The following DTWD2 variants were observed in gnomAD, a reference collection of about 807,000 sequenced individuals.
DTWD2 encodes DTW motif tRNA-uridine aminocarboxypropyltransferase 2.
In DTWD2, 39 loss-of-function variants were observed where a neutral mutation model predicts 31.8. The ratio of observed to expected loss-of-function variants is 1.22; its 90% CI spans 0.95 to 1.60. The LOEUF (loss-of-function observed/expected upper bound fraction) is 1.60. Among genes scored for constraint, DTWD2 ranks in the 40% most tolerant of loss-of-function variants. The probability of loss-of-function intolerance (pLI) is 0.00; values close to 1 mark genes in which losing one functional copy is unlikely to be tolerated. For synonymous variants in DTWD2, 180 were observed against 142.8 expected, an observed-to-expected ratio of 1.26 and a Z score of -1.86; for missense variants, 515 against 381.5, an observed-to-expected ratio of 1.35 and a Z score of -2.92.
chr5:118,877,091 G>A (rs1243544691), intron 4 of DTWD2, among the ~76,000 whole-genome samples: 1 of 152,150 alleles, frequency 6.6e-6, no homozygotes, highest in African/African-American at 2.4e-5. Flanking sequence ...ATCAATAAAT[G>A]TGAAAACAGA....
intron 1 of DTWD2, among the ~76,000 whole-genome samples, chr5:118,965,227 G>A (rs1033161373): frequency 2.6e-5 from 4 of 151,918 alleles, no homozygotes; most frequent in East Asian, 1.9e-4. Flanking sequence ...TGGGAAGTGA[G>A]GAGCATCTCC....
At chr5:118,880,835 A>G (rs575208219) in intron 4 of DTWD2, among the ~76,000 whole-genome samples, 1 of 152,306 alleles carries the variant, frequency 6.6e-6, no homozygotes, top group South Asian at 2.1e-4. Flanking sequence ...TTTAGTTTGA[A>G]GAAGTATTTT....
intron 4 of DTWD2, among the ~76,000 whole-genome samples, chr5:118,848,929 G>A (rs1751931230): frequency 6.6e-6 from 1 of 152,172 alleles, no homozygotes; most frequent in South Asian, 2.1e-4. Flanking sequence ...AACCCTAGAA[G>A]AAAACCTAGG....
chr5:118,910,742 T>C (rs1753440808), intron 4 of DTWD2, among the ~76,000 whole-genome samples: 1 of 152,168 alleles, frequency 6.6e-6, no homozygotes, highest in Non-Finnish European at 1.5e-5. Context: ...CAAAATACCT[T>C]AGGCTGGGTA....
At chr5:118,910,320 C>T (rs976751145) in intron 4 of DTWD2, among the ~76,000 whole-genome samples, 7 of 152,180 alleles carry the variant, frequency 4.6e-5, no homozygotes, top group Non-Finnish European at 8.8e-5. Context: ...AGTAGTACTG[C>T]CTTCCACAAA....
At chr5:118,852,667 T>C (rs892162962) in intron 4 of DTWD2, among the ~76,000 whole-genome samples, 8 of 152,180 alleles carry the variant, frequency 5.3e-5, no homozygotes, top group African/African-American at 1.9e-4. Flanking sequence ...TGGTGATTTC[T>C]CAAAGAAATT....
At chr5:118,973,652 C>T (rs939678866) in intron 1 of DTWD2, 18 of 799,332 alleles carry the variant, frequency 2.3e-5, no homozygotes, top group Non-Finnish European at 3.1e-5. Context: ...AGCCTCCTTG[C>T]TCGCGGCAGC....
intron 4 of DTWD2, among the ~76,000 whole-genome samples, chr5:118,892,169 A>G (rs762097267): frequency 6.6e-6 from 1 of 152,164 alleles, no homozygotes; most frequent in Non-Finnish European, 1.5e-5. Flanking sequence ...CATTTTCATT[A>G]GGAAGCTCAA....
At chr5:118,870,978 A>G (rs1178856881) in intron 4 of DTWD2, among the ~76,000 whole-genome samples, 1 of 149,868 alleles carries the variant, frequency 6.7e-6, no homozygotes, top group East Asian at 1.9e-4. Flanking sequence ...AAGCTTATAT[A>G]ATATTCTAAA....
intron 4 of DTWD2, among the ~76,000 whole-genome samples, chr5:118,909,462 C>A (rs567781768): frequency 3.3e-5 from 5 of 152,292 alleles, no homozygotes; most frequent in Admixed American, 6.5e-5. Flanking sequence ...AAGGGCCTAC[C>A]AGTTTTTCAC....
chr5:118,973,637 GCGGCAGCCTCCTTGCTC>G (rs1755046658), intron 1 of DTWD2, among the ~76,000 whole-genome samples: 2 of 149,038 alleles, frequency 1.3e-5, no homozygotes, highest in Non-Finnish European at 3.0e-5. Flanking sequence ...CTCCTTGCTC[GCGGCAGCCTCCTTGCTC>G]GCGGCAGCCT....
chr5:118,872,901 T>C (rs1239721279), intron 4 of DTWD2, among the ~76,000 whole-genome samples: 4 of 152,040 alleles, frequency 2.6e-5, no homozygotes. Flanking sequence ...ATGACAGGCA[T>C]GCTTGAAACA....
At chr5:118,962,778 A>AT (rs1215424813) in intron 1 of DTWD2, among the ~76,000 whole-genome samples, 2 of 152,220 alleles carry the variant, frequency 1.3e-5, no homozygotes, top group South Asian at 4.1e-4. Flanking sequence ...AGGAGGTAGT[A>AT]TTTTTAGCCT....
At chr5:118,968,940 G>C (rs1476698847) in intron 1 of DTWD2, among the ~76,000 whole-genome samples, 2 of 152,208 alleles carry the variant, frequency 1.3e-5, no homozygotes, top group Admixed American at 1.3e-4. Context: ...AAGTTCCTGA[G>C]GGGCTTGGGA....
chr5:118,895,627 G>A (rs1753068756), intron 4 of DTWD2, among the ~76,000 whole-genome samples: 1 of 152,176 alleles, frequency 6.6e-6, no homozygotes, highest in South Asian at 2.1e-4. Context: ...TAAAGCTATA[G>A]CAACCAAAAT....
chr5:118,983,922 G>C lies in DTWD2; in HGVS notation c.218+4372C>G, dbSNP rs540353309. Among the ~76,000 whole-genome samples the C allele has an allele frequency of 3.2e-3, 489 of 152,324 alleles. 2 individuals are homozygous for C. The highest frequency in any genetic ancestry group is 0.012 in the African/African-American group (479 of 41,562). ...CCCAGTACCTTGGGAGGCTGAAGCA[G>C]GCGGCTCACCTGAGGTCAGGAGTTC... On this transcript the variant is annotated intron_variant, in intron 1 of 5. Transcript: ENST00000510708.
chr5:118,962,072 C>T (rs768528320), intron 1 of DTWD2, among the ~76,000 whole-genome samples: 1 of 152,134 alleles, frequency 6.6e-6, no homozygotes, highest in Non-Finnish European at 1.5e-5. Flanking sequence ...AACCCCATCT[C>T]TACTAAAAAT....
At chr5:118,919,117 C>A (rs960053968) in intron 4 of DTWD2, among the ~76,000 whole-genome samples, 2 of 152,178 alleles carry the variant, frequency 1.3e-5, no homozygotes, top group Non-Finnish European at 2.9e-5. Context: ...GGTTCTAGAT[C>A]AGAGACAGAC....
chr5:118,913,792 A>G (rs1348281498), intron 4 of DTWD2, among the ~76,000 whole-genome samples: 1 of 152,008 alleles, frequency 6.6e-6, no homozygotes, highest in Non-Finnish European at 1.5e-5. Flanking sequence ...ACCAAATAAA[A>G]CTGTTTAATC....
Sources: gnomAD v4.1 joint callset for allele counts (sites outside exome capture counted in the v4.1 genomes callset) on GRCh38, gnomAD v4.1.1 for gene constraint, MANE v1.5 for transcripts, NCBI Gene and HGNC (gene_info 2026-07-23, HGNC 2026-07-21) for gene names.